EFCAB14: variants seen among roughly 807,000 people sequenced by gnomAD.
EFCAB14 encodes the protein EF-hand calcium-binding domain-containing protein 14.
A neutral mutation model predicts 56.5 loss-of-function variants in EFCAB14; 43 were observed. The observed-to-expected ratio is 0.76, with a 90% CI of 0.60 to 0.98. The LOEUF is 0.98. Among genes scored for constraint, EFCAB14 ranks in the 50% least tolerant of loss-of-function variants. EFCAB14 has a pLI of 0.00. For missense variants in EFCAB14, 538 were observed against 580.3 expected, an observed-to-expected ratio of 0.93 and a Z score of 0.75; for synonymous variants, 235 against 212.9, an observed-to-expected ratio of 1.10 and a Z score of -0.90.
chr1:46,711,136 T>G (rs956416089), intron 2 of EFCAB14, among the ~76,000 whole-genome samples: 1 of 152,244 alleles, frequency 6.6e-6, no homozygotes, highest in African/African-American at 2.4e-5. Context: ...ACTGATTTCC[T>G]TTTGCCCAGT....
chr1:46,688,419 G>A lies in EFCAB14; in HGVS notation c.921C>T (p.Asn307=). 1.2e-6 allele frequency: 2 copies of A among 1,613,964 alleles called. No homozygotes were observed. Among genetic ancestry groups the A allele is most frequent in the Non-Finnish European group, 1.7e-6 (2 of 1,179,928 alleles). The change falls in exon 7 of 11, where the codon AAC becomes AAT. Residue 307 remains asparagine (N), a synonymous_variant. Coordinates refer to ENST00000371933, the MANE Select transcript of EFCAB14 (RefSeq NM_014774.3). ...ETVSNLTQRV[N]LIESDVVAMS... is the part of the protein sequence containing the mutation. ...TAGCAACCACATCGCTTTCTATCAG[G>A]TTGACTCTCTGGGTAAGATTACTGA...
intron 7 of EFCAB14, 41 bp downstream of exon 7, chr1:46,688,312 C>CAA (rs1222329517): frequency 6.3e-7 from 1 of 1,587,204 alleles, no homozygotes. Flanking sequence ...CATGCACAGA[C>CAA]AAAACACACT....
rs796879805 is a variant in EFCAB14 at position 46,699,947 on chromosome 1, G to A, written c.481-3298C>T. On this transcript the variant is annotated intron_variant, in intron 3 of 10. Transcript: ENST00000371933. ...GAGCTGCCATGCTGTGAGGACACTC[G>A]AGTAGCCCCAGAATGACAAGTCCAT... Among the ~76,000 whole-genome samples, 38 of 152,278 alleles carry A rather than the reference G, an allele frequency of 2.5e-4. 1 individual carries two copies. Among genetic ancestry groups the A allele is most frequent in the African/African-American group, 7.0e-4 (29 of 41,570 alleles).
chr1:46,691,892 C>A lies in EFCAB14; in HGVS notation c.625G>T (p.Val209Leu). 1 of 1,613,560 alleles carries A rather than the reference C, an allele frequency of 6.2e-7. No individual in the cohort carries two copies. Among genetic ancestry groups the A allele is most frequent in the African/African-American group, 1.3e-5 (1 of 74,986 alleles). The change falls in exon 5 of 11, where the codon GTG becomes TTG. Residue 209 changes from valine (V) to leucine (L), a missense_variant. Val to Leu is a conservative substitution (Grantham distance 32). Transcript: ENST00000371933. ...GNTLNSVHLA[V>L]EALQKTVDEH... Reference sequence around the variant, plus strand: ...TCCACAGTTTTCTGTAGTGCTTCCACAGCAAGATGGACGCTGTTTAAAGTA... The same window carrying A: ...TCCACAGTTTTCTGTAGTGCTTCCAAAGCAAGATGGACGCTGTTTAAAGTA...
At chr1:46,679,854 A>G (rs1334971990) in intron 10 of EFCAB14, among the ~76,000 whole-genome samples, 1 of 151,692 alleles carries the variant, frequency 6.6e-6, no homozygotes, top group Non-Finnish European at 1.5e-5. Context: ...TGATCTGCCC[A>G]CCTCAGCCTC....
Position 46,675,385 on chromosome 1 carries a change from G to A in EFCAB14, c.*3076C>T, listed in dbSNP as rs762834384. ...TAGGTTCGTATAACAAACAATACAC[G>A]CTCTATAAAGTCTCAGGAATACCCA... On this transcript the variant is annotated 3_prime_UTR_variant, in exon 11 of 11. Transcript: ENST00000371933. 2 of 152,526 alleles carry A rather than the reference G, an allele frequency of 1.3e-5. No homozygotes were observed. Among genetic ancestry groups the A allele is most frequent in the Non-Finnish European group, 2.9e-5 (2 of 68,028 alleles). 9.4% of individuals were successfully genotyped at this position (152,526 alleles called of 1,614,324 possible).
intron 4 of EFCAB14, among the ~76,000 whole-genome samples, chr1:46,692,284 G>A (rs1483583772): frequency 2.0e-5 from 3 of 152,202 alleles, no homozygotes; most frequent in South Asian, 2.1e-4. Flanking sequence ...TCCATGTTGA[G>A]GCTACTTGGC....
At chr1:46,680,081 A>G (rs576430494) in intron 10 of EFCAB14, among the ~76,000 whole-genome samples, 1 of 152,192 alleles carries the variant, frequency 6.6e-6, no homozygotes, top group Admixed American at 6.5e-5. Flanking sequence ...GAGGATGTGG[A>G]GAAAGTGGAT....
intron 3 of EFCAB14, among the ~76,000 whole-genome samples, chr1:46,705,934 A>G (rs1320177156): frequency 6.6e-6 from 1 of 151,874 alleles, no homozygotes; most frequent in Admixed American, 6.6e-5. Flanking sequence ...ACACGATTAC[A>G]GCTCACTGCA....
intron 1 of EFCAB14, among the ~76,000 whole-genome samples, chr1:46,716,718 G>C (rs911651484): frequency 1.3e-5 from 2 of 152,208 alleles, no homozygotes; most frequent in Admixed American, 6.5e-5. Flanking sequence ...TCATTATCAG[G>C]AGGGAGGTCT....
chr1:46,683,226 G>A (rs1676823390), intron 10 of EFCAB14, 74 bp downstream of exon 10: 2 of 1,506,584 alleles, frequency 1.3e-6, no homozygotes, highest in Non-Finnish European at 9.0e-7. Flanking sequence ...ATATATTTTT[G>A]ACAAGTGAAA....
intron 4 of EFCAB14, among the ~76,000 whole-genome samples, chr1:46,694,671 G>A (rs1282330373): frequency 2.0e-5 from 3 of 152,204 alleles, no homozygotes; most frequent in African/African-American, 7.2e-5. Flanking sequence ...ACAGTGTGGA[G>A]ATTCCTCAAG....
At chr1:46,695,373 TC>T (rs1491387922) in intron 4 of EFCAB14, among the ~76,000 whole-genome samples, 2 of 147,572 alleles carry the variant, frequency 1.4e-5, no homozygotes, top group Non-Finnish European at 2.9e-5. Context: ...CCCTTTTTTT[TC>T]CCCCCGAATT....
chr1:46,691,705 G>GTTTA (rs1676995031), intron 5 of EFCAB14, 122 bp downstream of exon 5: 1 of 630,478 alleles, frequency 1.6e-6, no homozygotes, highest in Non-Finnish European at 2.8e-6. Flanking sequence ...AATGTATACT[G>GTTTA]CTTATTAGAT....
intron 8 of EFCAB14, 54 bp downstream of exon 8, chr1:46,686,730 A>G (rs2148840158): frequency 6.4e-7 from 1 of 1,556,592 alleles, no homozygotes; most frequent in Non-Finnish European, 8.8e-7. Flanking sequence ...GATCAAAAGC[A>G]CAGAGATGCT....
chr1:46,711,241 T>A (rs931261744), intron 2 of EFCAB14, among the ~76,000 whole-genome samples: 2 of 152,226 alleles, frequency 1.3e-5, no homozygotes, highest in Non-Finnish European at 1.5e-5. Flanking sequence ...TACCAGCCAG[T>A]CTAAATTCAT....
chr1:46,683,739 C>T lies in EFCAB14; in HGVS notation c.1187-314G>A, dbSNP rs116632310. Among the ~76,000 whole-genome samples the T allele has an allele frequency of 2.7e-3, 407 of 152,264 alleles. 1 individual carries two copies. Among genetic ancestry groups the T allele is most frequent in the African/African-American group, 9.2e-3 (381 of 41,542 alleles). ...AGCTGTCAAGTGGCAAGAACAGTGG[C>T]TGGATATCAAAGATCTTGACATCCT... On this transcript the variant is annotated intron_variant, in intron 9 of 10. Transcript: ENST00000371933.
chr1:46,689,488 G>T (rs528559685), intron 6 of EFCAB14, 99 bp downstream of exon 6: 2 of 1,105,194 alleles, frequency 1.8e-6, no homozygotes, highest in East Asian at 4.8e-5. Flanking sequence ...AATAAATACA[G>T]GATGCACCTG....
At chr1:46,705,846 T>C (rs886657389) in intron 3 of EFCAB14, among the ~76,000 whole-genome samples, 8 of 152,022 alleles carry the variant, frequency 5.3e-5, no homozygotes, top group Non-Finnish European at 8.8e-5. Context: ...TGGCCAGAAA[T>C]GTGCCCTAGG....
Sources: gnomAD v4.1 joint callset for allele counts (sites outside exome capture counted in the v4.1 genomes callset) on GRCh38, gnomAD v4.1.1 for gene constraint, MANE v1.5 for transcripts, NCBI Gene and HGNC (gene_info 2026-07-23, HGNC 2026-07-21) for gene names.